Variants in CHN1 observed in about 807,000 individuals in gnomAD.
The protein encoded by CHN1 is N-chimaerin.
A neutral mutation model predicts 59.5 loss-of-function variants in CHN1; 37 were observed. The observed-to-expected ratio is 0.62, with a 90% CI of 0.48 to 0.82. The LOEUF (loss-of-function observed/expected upper bound fraction) is 0.82, where lower values mean the gene tolerates loss of function less well. CHN1 is among the 40% of genes least tolerant of loss of function. The pLI is 0.00. For missense variants in CHN1, 469 were observed against 571.0 expected (o/e 0.82, Z 1.82); for synonymous variants, 206 against 200.4 (o/e 1.03, Z -0.24).
In CHN1 at chr2:174,968,724, A is replaced by T. The variant is rs569508838; in HGVS notation, c.20-16522T>A. Among the ~76,000 whole-genome samples the T allele has an allele frequency of 1.6e-4, 24 of 152,366 alleles. No homozygotes were observed. In the South Asian group the frequency reaches 4.6e-3, roughly 29 times the overall value. On this transcript the variant is annotated intron_variant, in intron 1 of 12. Transcript: ENST00000409900. ...ACATGTAATGGACTGGTTGTCTTGA[A>T]GAAGTTCCAGCAGTGTAGGGATATG...
chr2:174,977,638 T>C (rs901935917), intron 1 of CHN1, among the ~76,000 whole-genome samples: 2 of 152,234 alleles, frequency 1.3e-5, no homozygotes, highest in Non-Finnish European at 2.9e-5. Flanking sequence ...TTTATGTTAG[T>C]CTTTTTACTT....
chr2:174,838,279 GAC>G lies in CHN1; in HGVS notation c.627+8599_627+8600del, dbSNP rs1404752342. Among the ~76,000 whole-genome samples, 20 of 152,186 alleles carry G rather than the reference GAC, an allele frequency of 1.3e-4. 2 individuals are homozygous for G. The East Asian group carries it at 3.9e-3, about 29-fold the overall frequency. On this transcript the variant is annotated intron_variant, in intron 7 of 12. Coordinates refer to ENST00000409900, the MANE Select transcript of CHN1 (RefSeq NM_001822.7). Reference sequence around the variant, plus strand: ...CGGCTAATTTTGTATTTTTAGTAGAGACAAGGTTTCTCCATGTTGGTCAGGCT... The same window carrying G: ...CGGCTAATTTTGTATTTTTAGTAGAGAAGGTTTCTCCATGTTGGTCAGGCT...
chr2:174,959,038 ATTTCT>A (rs1298900704), intron 1 of CHN1, among the ~76,000 whole-genome samples: 1 of 152,200 alleles, frequency 6.6e-6, no homozygotes, highest in Non-Finnish European at 1.5e-5. Flanking sequence ...AAAAGTTTGA[ATTTCT>A]TTTAATATTC....
At chr2:174,819,201 G>A (rs1438582849) in intron 8 of CHN1, among the ~76,000 whole-genome samples, 1 of 152,028 alleles carries the variant, frequency 6.6e-6, no homozygotes, top group Non-Finnish European at 1.5e-5. Context: ...GGCTTACAAG[G>A]ACAAACGCAA....
chr2:174,800,349 T>G, intron 12 of CHN1, 62 bp from the exon 13 acceptor site: 2 of 1,236,530 alleles, frequency 1.6e-6, no homozygotes, highest in Non-Finnish European at 2.1e-6. Flanking sequence ...TCATTGTGCT[T>G]GAACACTAAA....
In CHN1 at chr2:174,906,729, T is replaced by C. The variant is rs147547429; in HGVS notation, c.260+8329A>G. Among the ~76,000 whole-genome samples the C allele has an allele frequency of 1.3e-3, 191 of 152,328 alleles. 1 individual carries two copies. Among genetic ancestry groups the C allele is most frequent in the East Asian group, 9.8e-3 (51 of 5,194 alleles). On this transcript the variant is annotated intron_variant, in intron 5 of 12. Transcript: ENST00000409900. ...TTGGTTGCCTTCAGTAGATGTTTCATAACACTGTTTGAATAGAAGGCAGTC... is the reference window on the plus strand; with the variant it reads ...TTGGTTGCCTTCAGTAGATGTTTCACAACACTGTTTGAATAGAAGGCAGTC...
At chr2:174,931,589 C>T (rs1013308927) in intron 3 of CHN1, among the ~76,000 whole-genome samples, 1 of 152,166 alleles carries the variant, frequency 6.6e-6, no homozygotes, top group Non-Finnish European at 1.5e-5. Flanking sequence ...AAAATTGCTA[C>T]CTGCATAGAG....
In CHN1 at chr2:174,952,195, A is replaced by C; in HGVS notation, c.27T>G (p.Asp9Glu). 2 of 1,460,598 alleles carry C rather than the reference A, an allele frequency of 1.4e-6. No homozygotes were observed. Among genetic ancestry groups the C allele is most frequent in the South Asian group, 2.9e-5 (2 of 67,960 alleles). The allele number at this position is 1,460,598 out of a possible 1,614,324, so 90.5% of individuals were successfully genotyped here. Residue 9 changes from aspartate (D) to glutamate (E), a missense_variant, in exon 2 of 13, where the codon GAT (aspartate) becomes GAG (glutamate). Transcript: ENST00000409900. Reference protein sequence around the residue: MALTLFDTDEYRPPVWKSY... With the variant: MALTLFDTEEYRPPVWKSY... Reference sequence around the variant, plus strand: ...ATTTCCAAACAGGAGGTCTATATTCATCTGTATCTGAAAGAAAAAACATCA... The same window carrying C: ...ATTTCCAAACAGGAGGTCTATATTCCTCTGTATCTGAAAGAAAAAACATCA...
chr2:174,918,673 T>A, intron 3 of CHN1, 108 bp from the exon 4 acceptor site: 1 of 914,940 alleles, frequency 1.1e-6, no homozygotes, highest in Non-Finnish European at 1.6e-6. Flanking sequence ...AAAAAAAGAA[T>A]TCAAATAACA....
intron 3 of CHN1, among the ~76,000 whole-genome samples, chr2:174,926,655 C>G (rs550298752): frequency 8.3e-4 from 126 of 152,256 alleles, no homozygotes; most frequent in Admixed American, 1.4e-3. Flanking sequence ...AGACAAAGGC[C>G]TAAGTGACTA....
intron 1 of CHN1, among the ~76,000 whole-genome samples, chr2:174,953,415 C>T (rs1690089018): frequency 6.6e-6 from 1 of 152,022 alleles, no homozygotes; most frequent in Non-Finnish European, 1.5e-5. Flanking sequence ...GCTTGGCACC[C>T]CATAGAGTGT....
rs546591661 is a variant in CHN1 at position 175,002,094 on chromosome 2, C to T, written c.19+2800G>A. 1.6e-4 allele frequency among the ~76,000 whole-genome samples: 24 copies of T among 152,270 alleles called. No individual in the cohort carries two copies. The South Asian group carries it at 3.3e-3, about 21-fold the overall frequency. ...CCACTAGAGGACCATGTCTCTTGTA[C>T]GCTGTGACAGATGTTTGCTGAAAAA... On this transcript the variant is annotated intron_variant, in intron 1 of 12. Transcript: ENST00000409900.
chr2:174,866,888 C>T (rs896592029), intron 6 of CHN1, among the ~76,000 whole-genome samples: 2 of 151,846 alleles, frequency 1.3e-5, no homozygotes, highest in Non-Finnish European at 1.5e-5. Flanking sequence ...TAATTATCTC[C>T]GAAAGAAATT....
chr2:174,851,463 C>G (rs753924242), intron 6 of CHN1, among the ~76,000 whole-genome samples: 9 of 151,760 alleles, frequency 5.9e-5, no homozygotes. Context: ...TATTTTTTTT[C>G]TAGAGATGGA....
chr2:174,992,656 C>T (rs1244875443), intron 1 of CHN1, among the ~76,000 whole-genome samples: 1 of 152,234 alleles, frequency 6.6e-6, no homozygotes, highest in Non-Finnish European at 1.5e-5. Context: ...CTCTCCTTGA[C>T]CAAACTTTAG....
rs749422915 is a variant in CHN1, at chr2:174,812,449, T to C, written c.746A>G (p.Lys249Arg). 1 of 1,614,034 alleles carries C rather than the reference T, an allele frequency of 6.2e-7. No homozygotes were observed. Among genetic ancestry groups the C allele is most frequent in the Admixed American group, 1.7e-5 (1 of 60,012 alleles). The change falls in exon 9 of 13, where the codon AAG (lysine) becomes AGG (arginine). Residue 249 changes from lysine (K) to arginine (R), a missense_variant. This residue lies in a region of CHN1 where 225 missense variants were observed against 289.9 expected (regional missense o/e 0.78). Coordinates refer to ENST00000409900, the MANE Select transcript of CHN1 (RefSeq NM_001822.7). Reference protein sequence around the residue: ...CGLNVHKQCSKMVPNDCKPDL... With the variant: ...CGLNVHKQCSRMVPNDCKPDL... Reference sequence around the variant, plus strand: ...TGGCTTACAGTCATTTGGGACCATCTTGGAACACTGCTTATGAACATTCAA... The same window carrying C: ...TGGCTTACAGTCATTTGGGACCATCCTGGAACACTGCTTATGAACATTCAA...
At chr2:174,800,617 C>G (rs956407505) in intron 12 of CHN1, among the ~76,000 whole-genome samples, 1 of 152,210 alleles carries the variant, frequency 6.6e-6, no homozygotes, top group Non-Finnish European at 1.5e-5. Context: ...TGAGAAGGAA[C>G]TGGGTCACCT....
chr2:174,950,344 G>A (rs1055849869), intron 2 of CHN1, among the ~76,000 whole-genome samples: 4 of 151,100 alleles, frequency 2.6e-5, no homozygotes, highest in African/African-American at 9.8e-5. Flanking sequence ...TCAGCTCACT[G>A]TAGTCTCTGC....
At chr2:174,968,327 A>T (rs76007209) in intron 1 of CHN1, among the ~76,000 whole-genome samples, 1,582 of 152,358 alleles carry the variant, frequency 0.01, 19 homozygotes, top group Non-Finnish European at 0.012. Flanking sequence ...TAAGGAACAC[A>T]GAGAGGTTTG....
Sources: gnomAD v4.1 joint callset for allele counts (sites outside exome capture counted in the v4.1 genomes callset) on GRCh38, gnomAD v4.1.1 for gene constraint, gnomAD v4.1.1 regional missense constraint, MANE v1.5 for transcripts, NCBI Gene and HGNC (gene_info 2026-07-23, HGNC 2026-07-21) for gene names.